Variants in RBP2 observed in about 807,000 individuals in gnomAD.
RBP2 encodes retinol-binding protein 2.
A neutral mutation model predicts 17.0 loss-of-function variants in RBP2; 17 were observed. That is an observed-to-expected ratio of 1.00 (90% CI 0.68 to 1.50). RBP2 has a LOEUF of 1.50. RBP2 is among the 40% of genes most tolerant of loss of function. RBP2 has a pLI of 0.00. For missense variants in RBP2, 158 were observed against 168.2 expected, an observed-to-expected ratio of 0.94 and a Z score of 0.33; for synonymous variants, 48 against 57.1, an observed-to-expected ratio of 0.84 and a Z score of 0.72.
intron 2 of RBP2, among the ~76,000 whole-genome samples, chr3:139,458,192 CTTTT>C (rs5852944): frequency 1.3e-5 from 2 of 148,442 alleles, no homozygotes; most frequent in Non-Finnish European, 3.0e-5. Context: ...CTCGCCAACA[CTTTT>C]TTTTTTTAAA....
chr3:139,470,745 AT>A (rs1472467893), intron 1 of RBP2, among the ~76,000 whole-genome samples: 1 of 151,890 alleles, frequency 6.6e-6, no homozygotes, highest in East Asian at 1.9e-4. Flanking sequence ...GGCCCAGCTA[AT>A]TTTTTTATTT....
intron 1 of RBP2, among the ~76,000 whole-genome samples, chr3:139,468,673 T>C (rs1429262818): frequency 6.7e-6 from 1 of 150,008 alleles, no homozygotes; most frequent in African/African-American, 2.4e-5. Flanking sequence ...CACACACACA[T>C]GCACACACAC....
At chr3:139,475,240 A>G (rs1341210517) in intron 1 of RBP2, among the ~76,000 whole-genome samples, 1 of 150,676 alleles carries the variant, frequency 6.6e-6, no homozygotes, top group African/African-American at 2.4e-5. Context: ...GAATGGCATG[A>G]ACCCGGGAGG....
intron 1 of RBP2, among the ~76,000 whole-genome samples, chr3:139,463,218 G>A (rs931262769): frequency 4.0e-5 from 6 of 151,428 alleles, no homozygotes; most frequent in South Asian, 4.2e-4. Flanking sequence ...ATGGAGTCTC[G>A]CTCTGTTGCC....
chr3:139,461,445 G>T (rs1933187458), intron 2 of RBP2, among the ~76,000 whole-genome samples: 1 of 152,016 alleles, frequency 6.6e-6, no homozygotes, highest in African/African-American at 2.4e-5. Context: ...TCCCTTGTTG[G>T]TTAAGGCAAT....
intron 1 of RBP2, among the ~76,000 whole-genome samples, chr3:139,467,404 G>A (rs1481193948): frequency 4.6e-5 from 7 of 152,160 alleles, no homozygotes; most frequent in Non-Finnish European, 8.8e-5. Context: ...TGTTGGCCAG[G>A]CTCTGCTTGT....
chr3:139,467,759 A>G (rs905061599), intron 1 of RBP2, among the ~76,000 whole-genome samples: 2 of 152,166 alleles, frequency 1.3e-5, no homozygotes, highest in Non-Finnish European at 1.5e-5. Flanking sequence ...GTTTTGGGTC[A>G]TATTTATGCA....
At chr3:139,471,714 T>C (rs1933575709) in intron 1 of RBP2, among the ~76,000 whole-genome samples, 1 of 152,194 alleles carries the variant, frequency 6.6e-6, no homozygotes, top group Non-Finnish European at 1.5e-5. Flanking sequence ...GGCTGACTCC[T>C]CCCTGACTCT....
intron 3 of RBP2, among the ~76,000 whole-genome samples, chr3:139,454,349 C>T (rs559536816): frequency 2.6e-5 from 4 of 152,234 alleles, no homozygotes; most frequent in African/African-American, 7.2e-5. Context: ...CTCCCCACCC[C>T]ACTCTCTCTC....
At chr3:139,458,556 A>G (rs1262986865) in intron 2 of RBP2, among the ~76,000 whole-genome samples, 1 of 152,198 alleles carries the variant, frequency 6.6e-6, no homozygotes, top group Non-Finnish European at 1.5e-5. Context: ...CCATCAATAT[A>G]TCTAAATCCA....
At chr3:139,463,571 G>A (rs1933266289) in intron 1 of RBP2, among the ~76,000 whole-genome samples, 1 of 152,178 alleles carries the variant, frequency 6.6e-6, no homozygotes, top group Non-Finnish European at 1.5e-5. Flanking sequence ...AGTGTTGAAT[G>A]TCCTAAGCGT....
intron 1 of RBP2, among the ~76,000 whole-genome samples, chr3:139,468,090 G>T (rs191132311): frequency 6.6e-6 from 1 of 152,222 alleles, no homozygotes; most frequent in Admixed American, 6.5e-5. Context: ...GAAGAAACAG[G>T]GGAAGGCTCT....
intron 2 of RBP2, among the ~76,000 whole-genome samples, chr3:139,459,400 A>ATGTGTGTGTG (rs57107462): frequency 0.012 from 1,502 of 128,528 alleles, 24 homozygotes; most frequent in African/African-American, 0.035. Context: ...TACTATATAT[A>ATGTGTGTGTG]TGTGTGTGTG....
chr3:139,466,973 T>C (rs1056452851), intron 1 of RBP2, among the ~76,000 whole-genome samples: 10 of 152,212 alleles, frequency 6.6e-5, no homozygotes, highest in Admixed American at 5.9e-4. Context: ...ACAGTTTTAC[T>C]GCTCCCCTCT....
chr3:139,452,890 G>C lies in RBP2; in HGVS notation c.*226C>G, dbSNP rs1466246458. ...AAATAAACGGAGATCCATATAAAGG[G>C]TTTCAAAATATGGGAGTAATTTTTG... On this transcript the variant is annotated 3_prime_UTR_variant, in exon 4 of 4. Coordinates refer to ENST00000232217, the MANE Select transcript of RBP2 (RefSeq NM_004164.3). 1.8e-6 allele frequency: 1 copy of C among 569,530 alleles called. No individual in the cohort carries two copies. Among genetic ancestry groups the C allele is most frequent in the African/African-American group, 1.9e-5 (1 of 53,540 alleles). 35.3% of individuals were successfully genotyped at this position (569,530 alleles called of 1,614,324 possible).
chr3:139,472,279 A>T (rs956060674), intron 1 of RBP2, among the ~76,000 whole-genome samples: 4 of 152,230 alleles, frequency 2.6e-5, no homozygotes, highest in African/African-American at 9.6e-5. Flanking sequence ...CAACTGGCCC[A>T]TCTGTGGCAG....
intron 2 of RBP2, among the ~76,000 whole-genome samples, chr3:139,459,388 T>G (rs1933102976): frequency 2.1e-5 from 2 of 95,452 alleles, no homozygotes; most frequent in Non-Finnish European, 2.2e-5. Context: ...AAACCCTGTT[T>G]CTACTATATA....
At chr3:139,471,013 G>A (rs545602343) in intron 1 of RBP2, among the ~76,000 whole-genome samples, 3 of 151,944 alleles carry the variant, frequency 2.0e-5, no homozygotes, top group Admixed American at 6.6e-5. Flanking sequence ...CCCATCACAC[G>A]CCACTCCATT....
intron 1 of RBP2, among the ~76,000 whole-genome samples, chr3:139,471,781 C>G (rs1053860925): frequency 6.6e-6 from 1 of 152,154 alleles, no homozygotes; most frequent in Admixed American, 6.5e-5. Context: ...TCCCTGTTCA[C>G]CCTTTCTGGG....
Sources: gnomAD v4.1 joint callset for allele counts (sites outside exome capture counted in the v4.1 genomes callset) on GRCh38, gnomAD v4.1.1 for gene constraint, MANE v1.5 for transcripts, NCBI Gene and HGNC (gene_info 2026-07-23, HGNC 2026-07-21) for gene names.